PCDHGB2: variants seen among roughly 807,000 people sequenced by gnomAD.
PCDHGB2 encodes the protein protocadherin gamma subfamily B, 2.
PCDHGB2 carries 55 observed loss-of-function variants against 59.3 expected under a neutral mutation model. That is an observed-to-expected ratio of 0.93 (90% confidence interval 0.75 to 1.16). PCDHGB2 has a LOEUF of 1.16. PCDHGB2 is among the 50% of genes most tolerant of loss of function. PCDHGB2 has a pLI of 0.00. For missense variants in PCDHGB2, 1,228 were observed against 1,198.5 expected, an observed-to-expected ratio of 1.02 and a Z score of -0.36; for synonymous variants, 516 against 512.0, an observed-to-expected ratio of 1.01 and a Z score of -0.11.
intron 1 of PCDHGB2, chr5:141,408,051 C>G (rs894200228): frequency 3.2e-5 from 41 of 1,264,370 alleles, no homozygotes; most frequent in African/African-American, 1.1e-4. Flanking sequence ...CCACACAGAG[C>G]CTCCCGGCTG....
Position 141,404,574 on chromosome 5 carries a change from C to G in PCDHGB2, c.2421+42018C>G, listed in dbSNP as rs185791741. 3 of 1,613,908 alleles carry G rather than the reference C, an allele frequency of 1.9e-6. No individual in the cohort carries two copies. The East Asian group carries it at 6.7e-5, about 36-fold the overall frequency. The stretch of plus-strand genomic sequence containing the variant: ...ACGGCAAGTGACAGTGGAAGCCCAC[C>G]ACTTAGCAGCAATGTGTCATTGAGA... On this transcript the variant is annotated intron_variant, in intron 1 of 3. Coordinates refer to ENST00000522605, the MANE Select transcript of PCDHGB2 (RefSeq NM_018923.3).
rs556183945 is a variant in PCDHGB2 at position 141,404,478 on chromosome 5, C to G, written c.2421+41922C>G. On this transcript the variant is annotated intron_variant, in intron 1 of 3. Coordinates refer to ENST00000522605, the MANE Select transcript of PCDHGB2 (RefSeq NM_018923.3). ...CTCTCCACCTATGTCTCTATTAACT[C>G]AGACACTGGTGTGCTGTATGCTCTG... 36 of 1,613,412 alleles carry G rather than the reference C, an allele frequency of 2.2e-5. No homozygotes were observed. In the South Asian group the frequency reaches 3.6e-4, roughly 16 times the overall value.
chr5:141,474,019 A>G (rs923131322), intron 1 of PCDHGB2, among the ~76,000 whole-genome samples: 4 of 152,134 alleles, frequency 2.6e-5, no homozygotes, highest in Non-Finnish European at 4.4e-5. Flanking sequence ...ACAGTGAGCT[A>G]TGATTATTCC....
At chr5:141,423,167 T>C in intron 1 of PCDHGB2, 1 of 1,613,424 alleles carries the variant, frequency 6.2e-7, no homozygotes, top group Non-Finnish European at 8.5e-7. Context: ...GTGGTGGCCG[T>C]CCAGGACCAC....
At position 141,431,639 on chromosome 5, in the gene PCDHGB2, C is replaced by T; in HGVS notation, c.2422-63168C>T. 1 of 1,614,262 alleles carries T rather than the reference C, an allele frequency of 6.2e-7. No homozygotes were observed. The highest frequency in any genetic ancestry group is 8.5e-7 in the Non-Finnish European group (1 of 1,180,046). On this transcript the variant is annotated intron_variant, in intron 1 of 3. Transcript: ENST00000522605. This position sits in a 1 kb window ranked among gnomAD's most constrained non-coding sequence, Gnocchi z 4.8. Reference sequence around the variant, plus strand: ...CGACAAGGCGGCCCAAGTTTTCAAACTAGATTGTAATTCAGGGACAATATC... The same window carrying T: ...CGACAAGGCGGCCCAAGTTTTCAAATTAGATTGTAATTCAGGGACAATATC...
intron 1 of PCDHGB2, among the ~76,000 whole-genome samples, chr5:141,434,902 C>T (rs1591355042): frequency 6.6e-6 from 1 of 151,934 alleles, no homozygotes; most frequent in East Asian, 1.9e-4. Flanking sequence ...CCCCTTCCCT[C>T]ATACCTTATT....
rs1329649336 is a variant in PCDHGB2, at chr5:141,477,589, GCTTT to G, written c.2422-17207_2422-17204del. 2 of 1,614,130 alleles carry G rather than the reference GCTTT, an allele frequency of 1.2e-6. No homozygotes were observed. Among genetic ancestry groups the G allele is most frequent in the South Asian group, 1.1e-5 (1 of 91,086 alleles). ...ACCCCGACGCCCCGCAGAATGCTCGGCTTTCTTTCTTTCTCTTGGAGCAAGGAGC... is the reference window on the plus strand; with the variant it reads ...ACCCCGACGCCCCGCAGAATGCTCGGCTTTCTTTCTCTTGGAGCAAGGAGC... On this transcript the variant is annotated intron_variant, in intron 1 of 3. Coordinates refer to ENST00000522605, the MANE Select transcript of PCDHGB2 (RefSeq NM_018923.3). The surrounding 1 kb of genome is among the most constrained non-coding windows in gnomAD (Gnocchi z 4.9).
At chr5:141,366,214 A>G (rs749592795) in intron 1 of PCDHGB2, 7 of 1,613,810 alleles carry the variant, frequency 4.3e-6, no homozygotes, top group South Asian at 1.1e-5. Flanking sequence ...AGGTGCGCAC[A>G]GCGCGAGCCC....
intron 1 of PCDHGB2, chr5:141,371,867 C>G (rs1452583584): frequency 6.2e-7 from 1 of 1,613,548 alleles, no homozygotes; most frequent in Non-Finnish European, 8.5e-7. Flanking sequence ...CCTACTACAT[C>G]GTGGCCAGTG....
chr5:141,481,434 A>C (rs1374254063), intron 1 of PCDHGB2, among the ~76,000 whole-genome samples: 1 of 152,256 alleles, frequency 6.6e-6, no homozygotes, highest in East Asian at 1.9e-4. Context: ...TGATTGTATC[A>C]GTTTAGTACA....
chr5:141,366,569 C>A (rs766850721), intron 1 of PCDHGB2: 1 of 1,614,110 alleles, frequency 6.2e-7, no homozygotes, highest in Non-Finnish European at 8.5e-7. Context: ...GGATGGGGTT[C>A]GGGCTTTCCT....
At chr5:141,503,004 C>T (rs114294610) in intron 2 of PCDHGB2, among the ~76,000 whole-genome samples, 5,013 of 145,894 alleles carry the variant, frequency 0.034, 127 homozygotes, top group South Asian at 0.076. Context: ...CCACCATGCC[C>T]GGTTAATTTT....
At chr5:141,412,189 T>C (rs560869081) in intron 1 of PCDHGB2, 21 of 152,370 alleles carry the variant, frequency 1.4e-4, no homozygotes, top group Admixed American at 1.2e-3. Context: ...AATGCTCTGA[T>C]GAAAACAGGT....
chr5:141,397,985 C>A (rs1034752721), intron 1 of PCDHGB2: 3 of 1,315,640 alleles, frequency 2.3e-6, no homozygotes, highest in Non-Finnish European at 2.1e-6. Context: ...GGCCTTTACA[C>A]CGCTTCCTCC....
At chr5:141,458,907 A>AT (rs759653270) in intron 1 of PCDHGB2, among the ~76,000 whole-genome samples, 1 of 151,752 alleles carries the variant, frequency 6.6e-6, no homozygotes, top group Non-Finnish European at 1.5e-5. Context: ...AATTTTTTCT[A>AT]TTTTTTGTGG....
At chr5:141,498,954 A>G (rs1180380627) in intron 2 of PCDHGB2, among the ~76,000 whole-genome samples, 2 of 134,538 alleles carry the variant, frequency 1.5e-5, no homozygotes, top group Non-Finnish European at 3.2e-5. Context: ...AGAAAAAGAG[A>G]GAGAGGGAGG....
chr5:141,403,956 T>A (rs375951516), intron 1 of PCDHGB2: 6 of 1,613,884 alleles, frequency 3.7e-6, no homozygotes, highest in Non-Finnish European at 5.1e-6. Flanking sequence ...AAAGTGCTCA[T>A]TTCGGTGGAA....
chr5:141,407,047 T>C (rs75652968), intron 1 of PCDHGB2, among the ~76,000 whole-genome samples: 6,428 of 152,316 alleles, frequency 0.042, 220 homozygotes, highest in African/African-American at 0.092. Flanking sequence ...GATCCATAGA[T>C]ACACTGATGA....
chr5:141,495,839 A>G (rs2099764148), intron 2 of PCDHGB2, among the ~76,000 whole-genome samples: 1 of 150,756 alleles, frequency 6.6e-6, no homozygotes, highest in South Asian at 2.1e-4. Flanking sequence ...CCCAGCCTCT[A>G]TGTTTCTCTG....
Sources: allele counts gnomAD v4.1 joint callset (sites outside exome capture counted in the v4.1 genomes callset), GRCh38; gene constraint gnomAD v4.1.1; non-coding constraint Gnocchi (gnomAD v3.1); transcripts MANE v1.5; gene names NCBI Gene and HGNC (gene_info 2026-07-23, HGNC 2026-07-21).